ATP6V1C1: variants seen among roughly 807,000 people sequenced by gnomAD.
The protein encoded by ATP6V1C1 is ATPase H+ transporting V1 subunit C1, also known as V-type proton ATPase subunit C 1.
In ATP6V1C1, 45 loss-of-function variants were observed where a neutral mutation model predicts 53.9. The observed-to-expected ratio is 0.83, with a 90% CI of 0.66 to 1.07. The LOEUF is 1.07. Ranked by LOEUF, ATP6V1C1 falls within the 50% of genes least tolerant of loss-of-function variation. ATP6V1C1 has a pLI of 0.00. For synonymous variants in ATP6V1C1, 153 were observed against 155.2 expected (o/e 0.99, Z 0.11); for missense variants, 315 against 440.3 (o/e 0.72, Z 2.55).
intron 1 of ATP6V1C1, among the ~76,000 whole-genome samples, chr8:103,037,982 T>G (rs1353900118): frequency 6.6e-6 from 1 of 152,248 alleles, no homozygotes; most frequent in Non-Finnish European, 1.5e-5. Flanking sequence ...GTAGGGGCTT[T>G]GGAGAACAAT....
At chr8:103,047,464 A>ACACAC (rs137856477) in intron 3 of ATP6V1C1, among the ~76,000 whole-genome samples, 1 of 125,604 alleles carries the variant, frequency 8.0e-6, no homozygotes, top group Admixed American at 9.5e-5. Flanking sequence ...ACACACACAC[A>ACACAC]TTTTTTTTTT....
intron 3 of ATP6V1C1, among the ~76,000 whole-genome samples, chr8:103,043,477 C>G (rs1273106688): frequency 6.6e-6 from 1 of 150,712 alleles, no homozygotes; most frequent in East Asian, 1.9e-4. Context: ...CACCCACCAC[C>G]ACGCCCAGCT....
At chr8:103,042,283 T>A in intron 2 of ATP6V1C1, 57 bp from the exon 3 acceptor site, 2 of 1,531,244 alleles carry the variant, frequency 1.3e-6, no homozygotes, top group Non-Finnish European at 9.0e-7. Context: ...ATGAATCATC[T>A]TGTTTTTTTT....
Position 103,068,743 on chromosome 8 carries a change from A to G in ATP6V1C1, c.1145A>G (p.Lys382Arg), listed in dbSNP as rs1156520322. 6.2e-7 allele frequency: 1 copy of G among 1,608,916 alleles called. No individual in the cohort carries two copies. The highest frequency in any genetic ancestry group is 2.2e-5 in the East Asian group (1 of 44,612). ...ATTGATTGCAACTTGCTGGAATTCA[A>G]GTGAAAATGGGCTCCTCCCCCGACA... The part of the protein sequence containing the change: ...YKIDCNLLEF[K>R] Residue 382 changes from lysine (K) to arginine (R), a missense_variant, in exon 13 of 13, where the codon AAG becomes AGG. Physicochemically the swap from Lys to Arg is conservative, Grantham distance 26 (BLOSUM62 2). Transcript: ENST00000518738.
At chr8:103,023,905 TGGG>T (rs35105111) in intron 1 of ATP6V1C1, among the ~76,000 whole-genome samples, 29 of 149,846 alleles carry the variant, frequency 1.9e-4, no homozygotes, top group African/African-American at 6.5e-4. Flanking sequence ...CATTTTTTTT[TGGG>T]GGGGGGGAAC....
chr8:103,068,560 A>T, intron 12 of ATP6V1C1, 92 bp from the exon 13 acceptor site: 1 of 882,638 alleles, frequency 1.1e-6, no homozygotes, highest in Non-Finnish European at 1.7e-6. Flanking sequence ...AGCCCAGAGT[A>T]GATGTTCAAT....
At chr8:103,056,524 G>A (rs116335373) in intron 8 of ATP6V1C1, among the ~76,000 whole-genome samples, 285 of 152,264 alleles carry the variant, frequency 1.9e-3, no homozygotes, top group African/African-American at 6.6e-3. Flanking sequence ...GAAGAAGTAT[G>A]GACAGTTATC....
chr8:103,033,161 A>T (rs973589773), intron 1 of ATP6V1C1, among the ~76,000 whole-genome samples: 1 of 152,176 alleles, frequency 6.6e-6, no homozygotes, highest in African/African-American at 2.4e-5. Flanking sequence ...GCAGACCAAC[A>T]TTTGCCCAGG....
At chr8:103,055,250 AC>A (rs1432490601) in intron 7 of ATP6V1C1, among the ~76,000 whole-genome samples, 2 of 152,130 alleles carry the variant, frequency 1.3e-5, no homozygotes, top group Non-Finnish European at 2.9e-5. Flanking sequence ...TGTAATTGAA[AC>A]ATAGGACCTA....
chr8:103,023,404 C>T (rs537659015), intron 1 of ATP6V1C1, among the ~76,000 whole-genome samples: 2 of 151,542 alleles, frequency 1.3e-5, no homozygotes, highest in Admixed American at 1.3e-4. Flanking sequence ...GATACCTTCT[C>T]TCTCCACTGA....
At chr8:103,029,350 A>G (rs1458963685) in intron 1 of ATP6V1C1, among the ~76,000 whole-genome samples, 1 of 150,450 alleles carries the variant, frequency 6.6e-6, no homozygotes, top group African/African-American at 2.5e-5. Context: ...GCTCACTGCA[A>G]CCTCTGCCTC....
At chr8:103,037,944 C>T (rs1816926359) in intron 1 of ATP6V1C1, among the ~76,000 whole-genome samples, 1 of 152,142 alleles carries the variant, frequency 6.6e-6, no homozygotes, top group African/African-American at 2.4e-5. Context: ...AATAGAAACT[C>T]TTACTCTGCT....
intron 3 of ATP6V1C1, among the ~76,000 whole-genome samples, chr8:103,045,650 G>GA (rs560747077): frequency 6.6e-6 from 1 of 151,960 alleles, no homozygotes; most frequent in Non-Finnish European, 1.5e-5. Context: ...TTTTAATTAA[G>GA]AAAAAAATGG....
chr8:103,064,649 AT>A (rs779918312), intron 10 of ATP6V1C1, 64 bp from the exon 11 acceptor site: 24 of 1,338,044 alleles, frequency 1.8e-5, no homozygotes, highest in Admixed American at 4.4e-5. Flanking sequence ...ACTTAAAAAA[AT>A]ATTTGGTCTA....
At chr8:103,052,950 T>G (rs1586321624) in intron 6 of ATP6V1C1, 128 bp downstream of exon 6, 2 of 527,364 alleles carry the variant, frequency 3.8e-6, no homozygotes, top group East Asian at 6.8e-5. Context: ...GTATTTCTTT[T>G]ACTTCATGGA....
At chr8:103,055,290 A>G (rs185168464) in intron 7 of ATP6V1C1, among the ~76,000 whole-genome samples, 10 of 152,266 alleles carry the variant, frequency 6.6e-5, no homozygotes, top group African/African-American at 2.4e-4. Flanking sequence ...ATTATTCTCT[A>G]TTCTGGCCTA....
chr8:103,022,681 C>T (rs190212876), intron 1 of ATP6V1C1, among the ~76,000 whole-genome samples: 110 of 152,194 alleles, frequency 7.2e-4, no homozygotes, highest in African/African-American at 2.4e-3. Flanking sequence ...CATACCCTCT[C>T]GCTCTGAGAG....
At chr8:103,032,669 G>T (rs188136141) in intron 1 of ATP6V1C1, among the ~76,000 whole-genome samples, 3 of 151,896 alleles carry the variant, frequency 2.0e-5, no homozygotes, top group Admixed American at 6.6e-5. Flanking sequence ...GTAGAGACAG[G>T]GTTTCAGCAT....
At chr8:103,030,669 G>A (rs1816781872) in intron 1 of ATP6V1C1, among the ~76,000 whole-genome samples, 2 of 150,658 alleles carry the variant, frequency 1.3e-5, no homozygotes, top group South Asian at 2.1e-4. Flanking sequence ...TTGCTGAGTC[G>A]AGGAGACTGG....
Sources: allele counts gnomAD v4.1 joint callset (sites outside exome capture counted in the v4.1 genomes callset), GRCh38; gene constraint gnomAD v4.1.1; transcripts MANE v1.5; gene names NCBI Gene and HGNC (gene_info 2026-07-23, HGNC 2026-07-21).